The following WASHC5 variants were observed in gnomAD, a reference collection of about 807,000 sequenced individuals.
The protein encoded by WASHC5 is WASH complex subunit strumpellin.
Under a neutral mutation model 150.4 loss-of-function variants are expected in WASHC5, and 101 were observed. The ratio of observed to expected loss-of-function variants is 0.67; its 90% CI spans 0.57 to 0.79. The LOEUF (loss-of-function observed/expected upper bound fraction) is 0.79, where lower values mean the gene tolerates loss of function less well. Among genes scored for constraint, WASHC5 ranks in the 30% least tolerant of loss-of-function variants. WASHC5 has a pLI of 0.00. For missense variants in WASHC5, 1,195 were observed against 1,396.3 expected, an observed-to-expected ratio of 0.86 and a Z score of 2.30; for synonymous variants, 467 against 491.2, an observed-to-expected ratio of 0.95 and a Z score of 0.65.
rs528491525 is a variant in WASHC5 at position 125,081,546 on chromosome 8, A to C, written c.518+115T>G. Reference sequence around the variant, plus strand: ...TAGCCACTGTGCCCGGCTGAATCGTATACTTTCTTATCTATTCTTGGATTA... The same window carrying C: ...TAGCCACTGTGCCCGGCTGAATCGTCTACTTTCTTATCTATTCTTGGATTA... On this transcript the variant is annotated intron_variant, in intron 5 of 28. Transcript: ENST00000318410. 7.8e-5 allele frequency: 60 copies of C among 770,392 alleles called. No individual in the cohort carries two copies. The Middle Eastern group carries it at 9.1e-4, about 12-fold the overall frequency. 47.7% of individuals were successfully genotyped at this position (770,392 alleles called of 1,614,324 possible).
intron 1 of WASHC5, among the ~76,000 whole-genome samples, chr8:125,087,767 A>G (rs974370346): frequency 2.7e-4 from 41 of 152,124 alleles, no homozygotes; most frequent in African/African-American, 9.9e-4. Flanking sequence ...TCACATGTCA[A>G]GTATAGGAGA....
At chr8:125,078,656 G>A (rs1817133614) in intron 6 of WASHC5, 82 bp downstream of exon 6, 1 of 1,134,386 alleles carries the variant, frequency 8.8e-7, no homozygotes, top group Non-Finnish European at 1.3e-6. Context: ...TGGGAAAGAA[G>A]GAAGGAAAGG....
intron 1 of WASHC5, among the ~76,000 whole-genome samples, chr8:125,090,141 T>G (rs1411403497): frequency 6.6e-6 from 1 of 152,244 alleles, no homozygotes; most frequent in Non-Finnish European, 1.5e-5. Flanking sequence ...ACATTTTATG[T>G]ACTAGACCTC....
At chr8:125,068,182 G>A (rs1816803250) in intron 9 of WASHC5, among the ~76,000 whole-genome samples, 1 of 152,160 alleles carries the variant, frequency 6.6e-6, no homozygotes, top group Non-Finnish European at 1.5e-5. Context: ...CTCTTGGCTG[G>A]CATCTGGGAA....
At chr8:125,080,410 G>C (rs1254085810) in intron 5 of WASHC5, among the ~76,000 whole-genome samples, 1 of 152,178 alleles carries the variant, frequency 6.6e-6, no homozygotes, top group African/African-American at 2.4e-5. Flanking sequence ...AATGAACACT[G>C]CTAGAACACT....
intron 10 of WASHC5, among the ~76,000 whole-genome samples, chr8:125,065,756 A>G (rs1339462029): frequency 6.6e-6 from 1 of 151,920 alleles, no homozygotes; most frequent in Non-Finnish European, 1.5e-5. Flanking sequence ...AGCTTGGAAT[A>G]CAGGCACGCG....
At chr8:125,053,936 G>A (rs1352430283) in intron 17 of WASHC5, among the ~76,000 whole-genome samples, 1 of 152,194 alleles carries the variant, frequency 6.6e-6, no homozygotes, top group Non-Finnish European at 1.5e-5. Flanking sequence ...ATGGCCTTCT[G>A]ATATTTCCAA....
chr8:125,075,232 C>A, intron 7 of WASHC5, 121 bp from the exon 8 acceptor site: 1 of 710,698 alleles, frequency 1.4e-6, no homozygotes, highest in South Asian at 1.5e-5. Context: ...AATGAAAAAC[C>A]AAGATTTTCC....
At position 125,037,328 on chromosome 8, in the gene WASHC5, G is replaced by T; in HGVS notation, c.3090C>A (p.Tyr1030Ter). The change falls in exon 26 of 29, where the codon TAC (tyrosine) becomes TAA (stop). Residue 1030 changes from tyrosine to a stop codon, truncating the protein, a stop_gained. Transcript: ENST00000318410. LOFTEE classifies it high-confidence loss of function. ...AGIHNPLNKI[Y>*]ITTKRLPYFP... ...AATAGGGTAAGCGCTTTGTTGTTAT[G>T]TATATCTGGAAAGAGAAAGGTAAGA... The T allele has an allele frequency of 6.3e-7, 1 of 1,585,944 alleles. No homozygotes were observed. Among genetic ancestry groups the T allele is most frequent in the Non-Finnish European group, 8.7e-7 (1 of 1,154,588 alleles).
rs1191721890 is a variant in WASHC5, at chr8:125,050,571, C to G, written c.2192G>C (p.Arg731Pro). The G allele has an allele frequency of 1.2e-6, 2 of 1,613,398 alleles. No individual in the cohort carries two copies. Among genetic ancestry groups the G allele is most frequent in the South Asian group, 1.1e-5 (1 of 91,054 alleles). Reference sequence around the variant, plus strand: ...ACTCTGGTCACTGGGTACCTTGGCTCGAGGGTTGAATATCAGTCCCCTATG... The same window carrying G: ...ACTCTGGTCACTGGGTACCTTGGCTGGAGGGTTGAATATCAGTCCCCTATG... Reference protein sequence around the residue: ...ALHRGLIFNPRAKPSELMPKL... With the variant: ...ALHRGLIFNPPAKPSELMPKL... The change falls in exon 18 of 29, where the codon CGA becomes CCA. Residue 731 changes from arginine to proline, a missense_variant. By Grantham distance (103) the Arg-to-Pro change is moderately radical. Transcript: ENST00000318410.
intron 10 of WASHC5, among the ~76,000 whole-genome samples, chr8:125,065,491 A>G (rs1816719680): frequency 6.6e-6 from 1 of 152,162 alleles, no homozygotes; most frequent in African/African-American, 2.4e-5. Flanking sequence ...AGGCTTGGTC[A>G]GTCAGATAGC....
chr8:125,081,353 T>C (rs1270604730), intron 5 of WASHC5, among the ~76,000 whole-genome samples: 2 of 151,158 alleles, frequency 1.3e-5, no homozygotes, highest in Non-Finnish European at 2.9e-5. Flanking sequence ...TTCTCCTGCC[T>C]CAGCCTCCTG....
rs1392468509 is a variant in WASHC5 at position 125,047,218 on chromosome 8, G to C, written c.2493C>G (p.Ile831Met). The C allele has an allele frequency of 1.2e-6, 2 of 1,613,866 alleles. No homozygotes were observed. The highest frequency in any genetic ancestry group is 2.7e-5 in the African/African-American group (2 of 74,898). ...IGRLCREILR[I>M]TDPKMTCHID... ...TCAGGTACACCTACTTTGGGTCTGT[G>C]ATCCGCAGGATTTCTCTGCAGAGTC... Residue 831 changes from isoleucine to methionine, a missense_variant, in exon 20 of 29, where the codon ATC (isoleucine) becomes ATG (methionine). By Grantham distance (10) the Ile-to-Met change is conservative. Around this residue, in one of 3 missense-constraint regions of WASHC5, gnomAD observed 997 missense variants for 1,168.1 expected, o/e 0.85. Coordinates refer to ENST00000318410, the MANE Select transcript of WASHC5 (RefSeq NM_014846.4).
At chr8:125,082,512 CTT>C in intron 3 of WASHC5, 45 bp from the exon 4 acceptor site, 1 of 1,061,944 alleles carries the variant, frequency 9.4e-7, no homozygotes, top group Non-Finnish European at 1.5e-6. Context: ...ATAATAGAAA[CTT>C]TAACATCTTT....
chr8:125,074,279 G>A (rs1816985218), intron 8 of WASHC5, among the ~76,000 whole-genome samples: 1 of 152,176 alleles, frequency 6.6e-6, no homozygotes, highest in Non-Finnish European at 1.5e-5. Flanking sequence ...ATATTTCTAG[G>A]AGATGTGCCA....
At chr8:125,046,753 G>A (rs1470837484) in intron 20 of WASHC5, among the ~76,000 whole-genome samples, 1 of 152,166 alleles carries the variant, frequency 6.6e-6, no homozygotes, top group Non-Finnish European at 1.5e-5. Context: ...AAGTGCTTGT[G>A]TGTTGAGCTA....
intron 27 of WASHC5, among the ~76,000 whole-genome samples, chr8:125,030,549 T>G (rs1815498589): frequency 6.8e-6 from 1 of 147,728 alleles, no homozygotes; most frequent in African/African-American, 2.5e-5. Flanking sequence ...GAGCCACTGG[T>G]ATGCACTGGA....
intron 18 of WASHC5, among the ~76,000 whole-genome samples, chr8:125,050,082 A>C (rs1816195754): frequency 1.3e-5 from 2 of 152,146 alleles, no homozygotes; most frequent in South Asian, 4.1e-4. Context: ...AGAATACTTA[A>C]AACATTTTAA....
rs138372561 is a variant in WASHC5 at position 125,085,728 on chromosome 8, A to G, written c.-124-1706T>C. On this transcript the variant is annotated intron_variant, in intron 1 of 28. Coordinates refer to ENST00000318410, the MANE Select transcript of WASHC5 (RefSeq NM_014846.4). ...TAGCTTCCTCCTACAGCCAGTGCAG[A>G]TAGCAGGGGTGAGCAGATGGTAGAA... is the stretch of plus-strand genomic sequence containing the variant. 1.4e-4 allele frequency among the ~76,000 whole-genome samples: 22 copies of G among 152,344 alleles called. No individual in the cohort carries two copies. The East Asian group carries it at 4.2e-3, about 29-fold the overall frequency.
Sources: allele counts gnomAD v4.1 joint callset (sites outside exome capture counted in the v4.1 genomes callset), GRCh38; gene constraint gnomAD v4.1.1; regional missense constraint gnomAD v4.1.1; transcripts MANE v1.5; gene names NCBI Gene and HGNC (gene_info 2026-07-23, HGNC 2026-07-21).